NID1: variants seen among roughly 807,000 people sequenced by gnomAD.
The protein encoded by NID1 is nidogen 1, also known as nidogen-1.
NID1 carries 76 observed loss-of-function variants against 130.6 expected under a neutral mutation model. The ratio of observed to expected loss-of-function variants is 0.58; its 90% confidence interval spans 0.48 to 0.70. The LOEUF is 0.70. NID1 is among the 30% of genes least tolerant of loss of function. The probability of loss-of-function intolerance (pLI) is 0.00; values close to 1 mark genes in which losing one functional copy is unlikely to be tolerated. For missense variants in NID1, 1,517 were observed against 1,664.8 expected (o/e 0.91, Z 1.54); for synonymous variants, 665 against 675.1 (o/e 0.98, Z 0.23).
In NID1 at chr1:236,013,501, G is replaced by T; in HGVS notation, c.2314C>A (p.Pro772Thr). The change falls in exon 11 of 20, where the codon CCC becomes ACC. Residue 772 changes from proline to threonine, a missense_variant. Physicochemically the swap from Pro to Thr is conservative, Grantham distance 38 (BLOSUM62 -1). Transcript: ENST00000264187. ...CETGLHNCDIPQRAQCIYTGG... is the reference protein window; with the variant it reads ...CETGLHNCDITQRAQCIYTGG... ...GTGTAGATACACTGGGCCCGCTGGG[G>T]TATGTCGCAGTTATGAAGGCCAGTT... 6.2e-7 allele frequency: 1 copy of T among 1,613,696 alleles called. No individual in the cohort carries two copies. Among genetic ancestry groups the T allele is most frequent in the East Asian group, 2.2e-5 (1 of 44,830 alleles).
rs541063629 is a variant in NID1 at position 236,017,331 on chromosome 1, T to G, written c.2129-58A>C. ...TTTTTTAAAGCTCTTCAAACATTAC[T>G]GACTATAATAAAATAGCATTGTCAC... On this transcript the variant is annotated intron_variant, in intron 9 of 19. Coordinates refer to ENST00000264187, the MANE Select transcript of NID1 (RefSeq NM_002508.3). 33 of 1,576,124 alleles carry G rather than the reference T, an allele frequency of 2.1e-5. No individual in the cohort carries two copies. In the African/African-American group the frequency reaches 4.4e-4, roughly 21 times the overall value.
intron 1 of NID1, among the ~76,000 whole-genome samples, chr1:236,055,950 A>G (rs929833068): frequency 9.2e-5 from 14 of 152,320 alleles, no homozygotes; most frequent in Middle Eastern, 3.4e-3. Flanking sequence ...GCCGTGATAG[A>G]TCAACGGGAC....
At position 236,038,130 on chromosome 1, in the gene NID1, C is replaced by T. The variant is rs1294741748; in HGVS notation, c.1259G>A (p.Gly420Asp). Residue 420 changes from glycine (G) to aspartate (D), a missense_variant, in exon 5 of 20, where the codon GGC becomes GAC. Around this residue, in one of 3 missense-constraint regions of NID1, gnomAD observed 1,329 missense variants for 1,429.2 expected, o/e 0.93. Coordinates refer to ENST00000264187, the MANE Select transcript of NID1 (RefSeq NM_002508.3). ...TTCTGCAACACATTGCCTGCCATTG[C>T]CCGTATAGCCAGCGACACAGCTGCA... ...FCCSCVAGYT[G>D]NGRQCVAEGS... The T allele has an allele frequency of 6.2e-7, 1 of 1,605,684 alleles. No individual in the cohort carries two copies. The highest frequency in any genetic ancestry group is 1.7e-5 in the Admixed American group (1 of 59,684).
chr1:236,024,049 A>G lies in NID1; in HGVS notation c.2128+21T>C, dbSNP rs192793485. 6.4e-4 allele frequency: 1,034 copies of G among 1,612,520 alleles called. 8 individuals carry two copies. The African/African-American group carries it at 0.012, about 18-fold the overall frequency. ...CTCGCCTGATTTCCCAGCCCCAACA[A>G]GTCAGAATCAAAGGCTGTACCATAG... On this transcript the variant is annotated intron_variant, in intron 9 of 19. Transcript: ENST00000264187.
chr1:236,049,070 C>G (rs1659693611), intron 1 of NID1, 81 bp from the exon 2 acceptor site: 1 of 1,389,214 alleles, frequency 7.2e-7, no homozygotes, highest in South Asian at 1.2e-5. Context: ...TCCTAGAATA[C>G]TGTCAGCTGT....
chr1:236,046,644 T>C (rs945352439), intron 2 of NID1, among the ~76,000 whole-genome samples: 5 of 151,372 alleles, frequency 3.3e-5, no homozygotes, highest in Non-Finnish European at 5.9e-5. Context: ...GGGAATTACA[T>C]GTAATTTGGT....
chr1:236,035,525 G>C (rs899266267), intron 5 of NID1, among the ~76,000 whole-genome samples: 50 of 145,772 alleles, frequency 3.4e-4, no homozygotes, highest in Non-Finnish European at 1.5e-4. Context: ...GGGATGGCTG[G>C]GTCAAATGGT....
intron 13 of NID1, among the ~76,000 whole-genome samples, chr1:235,992,255 C>A (rs1381716426): frequency 6.6e-6 from 1 of 152,188 alleles, no homozygotes; most frequent in Non-Finnish European, 1.5e-5. Flanking sequence ...CTATTACACC[C>A]AATCGGTGAC....
chr1:236,064,723 G>T (rs1048736297), intron 1 of NID1, 132 bp downstream of exon 1: 18 of 735,944 alleles, frequency 2.4e-5, no homozygotes, highest in Non-Finnish European at 3.5e-5. Context: ...GAGACCCTGC[G>T]CCGTGCCCGG....
intron 5 of NID1, among the ~76,000 whole-genome samples, chr1:236,034,973 CTT>C (rs11371749): frequency 3.0e-5 from 4 of 131,688 alleles, no homozygotes; most frequent in African/African-American, 1.2e-4. Context: ...GCAGAGTTTT[CTT>C]TTTTTTTTCT....
intron 15 of NID1, among the ~76,000 whole-genome samples, 155 bp downstream of exon 15, chr1:235,985,224 G>A (rs749526572): frequency 3.3e-5 from 5 of 151,782 alleles, no homozygotes; most frequent in African/African-American, 4.8e-5. Flanking sequence ...AGTAGAACGT[G>A]CCTAAACTTT....
In NID1 at chr1:235,978,004, A is replaced by C; in HGVS notation, c.3623-16T>G. ...TAGTTATGGCCTGGAAAAGGCAGAA[A>C]TCAGTTCAATAGCCCTCTCTCTGAT... On this transcript the variant is annotated splice_polypyrimidine_tract_variant and intron_variant, in intron 19 of 19. Coordinates refer to ENST00000264187, the MANE Select transcript of NID1 (RefSeq NM_002508.3). 1 of 1,613,536 alleles carries C rather than the reference A, an allele frequency of 6.2e-7. No individual in the cohort carries two copies. The highest frequency in any genetic ancestry group is 1.7e-5 in the Admixed American group (1 of 59,908).
rs34606818 is a variant in NID1, at chr1:236,042,044, G to A, written c.1001C>T (p.Pro334Leu). ...GGGCCTTTCGGTAGCTGCCCGGCGC[G>A]GGGAGAGGACGCTGGGCACACTGTA... is the stretch of plus-strand genomic sequence containing the variant. ...DTYSVPSVLS[P>L]RRAATERPLG... Residue 334 changes from proline to leucine, a missense_variant, in exon 4 of 20, where the codon CCG becomes CTG. Physicochemically the swap from Pro to Leu is moderately conservative, Grantham distance 98. Around this residue, in one of 3 missense-constraint regions of NID1, gnomAD observed 1,329 missense variants for 1,429.2 expected, o/e 0.93. Coordinates refer to ENST00000264187, the MANE Select transcript of NID1 (RefSeq NM_002508.3). 80 of 1,614,126 alleles carry A rather than the reference G, an allele frequency of 5.0e-5. No homozygotes were observed. The highest frequency in any genetic ancestry group is 2.3e-4 in the Admixed American group (14 of 60,016).
rs138933538 is a variant in NID1 at position 236,024,072 on chromosome 1, T to C, written c.2126A>G (p.Tyr709Cys). 2,876 of 1,613,908 alleles carry C rather than the reference T, an allele frequency of 1.8e-3. 5 individuals are homozygous for C. The highest frequency in any genetic ancestry group is 1.8e-3 in the Non-Finnish European group (2,176 of 1,180,048). Residue 709 changes from tyrosine (Y) to cysteine (C), a missense_variant and splice_region_variant, in exon 9 of 20, where the codon TAT becomes TGT. Transcript: ENST00000264187. The stretch of plus-strand genomic sequence containing the variant: ...CAAGTCAGAATCAAAGGCTGTACCA[T>C]AGCAGGTTCGCCCGTCTCCTCGGAA... ...IGFRGDGRTC[Y>C]DIDECSEQPS...
rs1179245047 is a variant in NID1, at chr1:236,035,080, T to C, written c.1286-2428A>G. 1.8e-3 allele frequency among the ~76,000 whole-genome samples: 264 copies of C among 143,478 alleles called. 3 individuals carry two copies. The highest frequency in any genetic ancestry group is 2.6e-3 in the Non-Finnish European group (170 of 66,354). 94.1% of individuals were successfully genotyped at this position (143,478 alleles called of 152,430 possible). On this transcript the variant is annotated intron_variant, in intron 5 of 19. Transcript: ENST00000264187. The stretch of plus-strand genomic sequence containing the variant: ...CATATGTATACATGTGTCATGCTGG[T>C]GCGCTGCACCCACTAACTCGTCATC...
intron 1 of NID1, 63 bp from the exon 2 acceptor site, chr1:236,049,052 G>T: frequency 2.0e-6 from 3 of 1,515,104 alleles, no homozygotes; most frequent in Non-Finnish European, 2.7e-6. Flanking sequence ...GTAAGACTGA[G>T]CACCCACTCC....
intron 3 of NID1, among the ~76,000 whole-genome samples, chr1:236,044,065 G>C (rs1327105689): frequency 6.6e-6 from 1 of 152,192 alleles, no homozygotes; most frequent in African/African-American, 2.4e-5. Flanking sequence ...ACGGTGGACA[G>C]AGGGGACATA....
chr1:236,048,726 G>A lies in NID1; in HGVS notation c.489C>T (p.Tyr163=). The change falls in exon 2 of 20, where the codon TAC becomes TAT. Residue 163 remains tyrosine (Y), a synonymous_variant. Transcript: ENST00000264187. ...VVVTWESVAP[Y]QGPSRDPDQK... is the part of the protein sequence containing the mutation. ...GGTCTGGGTCCCTGCTGGGCCCTTG[G>A]TAGGGGGCCACGGATTCCCAAGTGA... 2.5e-6 allele frequency: 4 copies of A among 1,612,512 alleles called. No individual in the cohort carries two copies. The highest frequency in any genetic ancestry group is 3.4e-6 in the Non-Finnish European group (4 of 1,180,008).
intron 1 of NID1, among the ~76,000 whole-genome samples, chr1:236,063,503 TAAAG>T (rs1414556946): frequency 2.0e-5 from 3 of 150,098 alleles, no homozygotes; most frequent in Non-Finnish European, 4.4e-5. Context: ...AATAAATAAA[TAAAG>T]TAAGCATATA....
Sources: allele counts gnomAD v4.1 joint callset (sites outside exome capture counted in the v4.1 genomes callset), GRCh38; gene constraint gnomAD v4.1.1; regional missense constraint gnomAD v4.1.1; transcripts MANE v1.5; gene names NCBI Gene and HGNC (gene_info 2026-07-23, HGNC 2026-07-21).